The following AK3 variants were observed in gnomAD, a reference collection of about 807,000 sequenced individuals.
AK3 encodes adenylate kinase 3, also known as GTP:AMP phosphotransferase AK3, mitochondrial.
Under a neutral mutation model 23.7 loss-of-function variants are expected in AK3, and 27 were observed. That is an observed-to-expected ratio of 1.14 (90% CI 0.84 to 1.57). The LOEUF is 1.57. Ranked by LOEUF, AK3 falls within the 40% of genes most tolerant of loss-of-function variation. The pLI is 0.00. For synonymous variants in AK3, 159 were observed against 116.0 expected, an observed-to-expected ratio of 1.37 and a Z score of -2.38; for missense variants, 406 against 285.6, an observed-to-expected ratio of 1.42 and a Z score of -3.04.
At chr9:4,726,503 T>C (rs1045229233) in intron 1 of AK3, among the ~76,000 whole-genome samples, 3 of 152,188 alleles carry the variant, frequency 2.0e-5, no homozygotes, top group African/African-American at 7.2e-5. Flanking sequence ...CGTTCTTTGC[T>C]CATTCATTAA....
At position 4,713,032 on chromosome 9, in the gene AK3, C is replaced by T; in HGVS notation, c.628G>A (p.Ala210Thr). Reference sequence around the variant, plus strand: ...TGTGGAACTTTAGTTTGTAGGAAAGCATATACATAGGGCCAAATCTTGTTG... The same window carrying T: ...TGTGGAACTTTAGTTTGTAGGAAAGTATATACATAGGGCCAAATCTTGTTG... ...ETNKIWPYVY[A>T]FLQTKVPQRS... Residue 210 changes from alanine to threonine, a missense_variant, in exon 5 of 5, where the codon GCT becomes ACT. By Grantham distance (58) the Ala-to-Thr change is moderately conservative. Transcript: ENST00000381809. 6.2e-7 allele frequency: 1 copy of T among 1,613,760 alleles called. No individual in the cohort carries two copies. The highest frequency in any genetic ancestry group is 1.3e-5 in the African/African-American group (1 of 75,014).
At chr9:4,730,019 T>C (rs561363166) in intron 1 of AK3, among the ~76,000 whole-genome samples, 1 of 152,222 alleles carries the variant, frequency 6.6e-6, no homozygotes, top group South Asian at 2.1e-4. Context: ...GAAGTACTGA[T>C]ACATGTTACA....
intron 3 of AK3, 130 bp downstream of exon 3, chr9:4,719,005 C>T: frequency 9.6e-7 from 1 of 1,046,816 alleles, no homozygotes; most frequent in Non-Finnish European, 1.4e-6. Flanking sequence ...GTCAACTCTA[C>T]CAAGTAACCT....
rs771116247 is a variant in AK3 at position 4,718,586 on chromosome 9, A to G, written c.445-49T>C. On this transcript the variant is annotated intron_variant, in intron 3 of 4. Transcript: ENST00000381809. The stretch of plus-strand genomic sequence containing the variant: ...GTATCAGATATCATATTTCTGAAAG[A>G]TATTTTCATAAGCAGTTCAATTATT... 7 of 1,352,594 alleles carry G rather than the reference A, an allele frequency of 5.2e-6. No homozygotes were observed. The South Asian group carries it at 6.0e-5, about 12-fold the overall frequency. The allele number at this position is 1,352,594 out of a possible 1,614,324, so 83.8% of individuals were successfully genotyped here. A position where few individuals can be genotyped will look rare whatever the true frequency, so the allele number is the denominator to read the frequency against.
chr9:4,718,196 G>A (rs1841788668), intron 4 of AK3, among the ~76,000 whole-genome samples: 1 of 152,212 alleles, frequency 6.6e-6, no homozygotes, highest in Non-Finnish European at 1.5e-5. Context: ...CACACAGGAA[G>A]GCAAAACCAA....
At chr9:4,714,053 C>G (rs866363577) in intron 4 of AK3, among the ~76,000 whole-genome samples, 1 of 116,896 alleles carries the variant, frequency 8.6e-6, no homozygotes, top group African/African-American at 3.1e-5. Context: ...CACATATACA[C>G]CTACACATAT....
chr9:4,740,907 C>G (rs746926143), intron 1 of AK3, 30 bp downstream of exon 1: 26 of 1,496,436 alleles, frequency 1.7e-5, no homozygotes, highest in Non-Finnish European at 2.2e-5. Context: ...GGTGACAGCG[C>G]ACGGCCGGCC....
chr9:4,735,400 C>T (rs1220117901), intron 1 of AK3, among the ~76,000 whole-genome samples: 18 of 91,466 alleles, frequency 2.0e-4, no homozygotes, highest in Admixed American at 3.5e-4. Context: ...AATATATATA[C>T]ATATATAAAT....
Position 4,738,070 on chromosome 9 carries a change from C to T in AK3, c.151+2867G>A, listed in dbSNP as rs549955354. ...CAAAGATTTGCCAAATGTTTATGTG[C>T]AGGGATAGTCATAACAGTATTTATT... On this transcript the variant is annotated intron_variant, in intron 1 of 4. Coordinates refer to ENST00000381809, the MANE Select transcript of AK3 (RefSeq NM_016282.4). Among the ~76,000 whole-genome samples the T allele has an allele frequency of 2.0e-5, 3 of 152,304 alleles. No homozygotes were observed. The East Asian group carries it at 5.8e-4, about 29-fold the overall frequency.
intron 4 of AK3, among the ~76,000 whole-genome samples, chr9:4,714,015 CACATATACAGCTA>C (rs1841639771): frequency 1.3e-5 from 2 of 148,616 alleles, no homozygotes; most frequent in Admixed American, 6.7e-5. Flanking sequence ...TATACACCTA[CACATATACAGCTA>C]CACATATACA....
chr9:4,737,542 A>G (rs1288666987), intron 1 of AK3, among the ~76,000 whole-genome samples: 1 of 152,126 alleles, frequency 6.6e-6, no homozygotes, highest in Non-Finnish European at 1.5e-5. Flanking sequence ...CAATACGGCA[A>G]AACCATCTCT....
chr9:4,722,738 G>A, intron 1 of AK3, 113 bp from the exon 2 acceptor site: 6 of 1,455,708 alleles, frequency 4.1e-6, no homozygotes, highest in South Asian at 3.8e-5. Flanking sequence ...ATCTGAAAAT[G>A]TGCATCATCA....
At chr9:4,717,481 T>C (rs145028441) in intron 4 of AK3, among the ~76,000 whole-genome samples, 9 of 152,326 alleles carry the variant, frequency 5.9e-5, no homozygotes, top group African/African-American at 1.9e-4. Flanking sequence ...TTCCACACCA[T>C]AGCATCCTGT....
rs546094429 is a variant in AK3, at chr9:4,715,448, G to A, written c.564-2352C>T. On this transcript the variant is annotated intron_variant, in intron 4 of 4. Coordinates refer to ENST00000381809, the MANE Select transcript of AK3 (RefSeq NM_016282.4). ...CACTCTGACACCCGCGCTCTAGACTGCAGTGGAGCAATCATAGATCACTGC... is the reference window on the plus strand; with the variant it reads ...CACTCTGACACCCGCGCTCTAGACTACAGTGGAGCAATCATAGATCACTGC... Among the ~76,000 whole-genome samples, 21 of 143,830 alleles carry A rather than the reference G, an allele frequency of 1.5e-4. No individual in the cohort carries two copies. The East Asian group carries it at 4.1e-3, about 28-fold the overall frequency. 94.4% of individuals were successfully genotyped at this position (143,830 alleles called of 152,430 possible). A position where few individuals can be genotyped will look rare whatever the true frequency, so the allele number is the denominator to read the frequency against.
chr9:4,719,416 A>G, intron 2 of AK3, 109 bp from the exon 3 acceptor site: 1 of 996,932 alleles, frequency 1.0e-6, no homozygotes, highest in Non-Finnish European at 1.4e-6. Context: ...ATGTTGGACA[A>G]TCTGAACAAA....
intron 1 of AK3, among the ~76,000 whole-genome samples, chr9:4,732,240 C>G (rs1360319209): frequency 6.6e-6 from 1 of 152,144 alleles, no homozygotes; most frequent in East Asian, 1.9e-4. Context: ...TGAGCCACTG[C>G]ACATGGCTGA....
upstream of AK3, chr9:4,741,601 G>GC (rs1427876761): frequency 6.5e-6 from 1 of 152,852 alleles, no homozygotes; most frequent in Non-Finnish European, 1.5e-5. Flanking sequence ...ACTCCTGCGC[G>GC]CCCCCTCCCC....
chr9:4,735,258 T>C lies in AK3; in HGVS notation c.151+5679A>G, dbSNP rs199978867. On this transcript the variant is annotated intron_variant, in intron 1 of 4. Transcript: ENST00000381809. ...ATATACATATATAAATATATATATA[T>C]ATAAATATATATATAAATATATATA... Among the ~76,000 whole-genome samples, 103 of 16,366 alleles carry C rather than the reference T, an allele frequency of 6.3e-3. 26 individuals are homozygous for C. The highest frequency in any genetic ancestry group is 0.016 in the East Asian group (9 of 578). The allele number at this position is 16,366 out of a possible 152,430, so 10.7% of individuals were successfully genotyped here.
chr9:4,728,848 T>TAC (rs1305610708), intron 1 of AK3, among the ~76,000 whole-genome samples: 793 of 26,288 alleles, frequency 0.03, 9 homozygotes, highest in African/African-American at 0.048. Flanking sequence ...TATATATATA[T>TAC]ATATATATAT....
Sources: gnomAD v4.1 joint callset for allele counts (sites outside exome capture counted in the v4.1 genomes callset) on GRCh38, gnomAD v4.1.1 for gene constraint, MANE v1.5 for transcripts, NCBI Gene and HGNC (gene_info 2026-07-23, HGNC 2026-07-21) for gene names.